Variants in DHRSX observed in about 807,000 individuals in gnomAD.
The protein encoded by DHRSX is dehydrogenase/reductase X-linked.
Under a neutral mutation model 34.0 loss-of-function variants are expected in DHRSX, and 31 were observed. That is an observed-to-expected ratio of 0.91 (90% CI 0.69 to 1.23). The LOEUF is 1.23. DHRSX is among the 50% of genes most tolerant of loss of function. The probability of loss-of-function intolerance (pLI) is 0.00; values close to 1 mark genes in which losing one functional copy is unlikely to be tolerated. For synonymous variants in DHRSX, 201 were observed against 183.8 expected, an observed-to-expected ratio of 1.09 and a Z score of -0.76; for missense variants, 414 against 428.1, an observed-to-expected ratio of 0.97 and a Z score of 0.29.
chrX:2,473,827 C>A (rs1438410814), intron 1 of DHRSX, among the ~76,000 whole-genome samples: 1 of 140,180 alleles, frequency 7.1e-6, no homozygotes, highest in African/African-American at 3.0e-5. Context: ...GATTCAGGTT[C>A]TGAATCTCTG....
intron 3 of DHRSX, among the ~76,000 whole-genome samples, chrX:2,303,825 G>A (rs868522011): frequency 6.4e-5 from 6 of 93,300 alleles, no homozygotes; most frequent in East Asian, 4.0e-4. Flanking sequence ...GGGTGGATGG[G>A]TGGGTGGATG....
rs201839681 is a variant in DHRSX at position 2,490,759 on chromosome X, T to C, written c.109+10058A>G. 54 of 1,589,316 alleles carry C rather than the reference T, an allele frequency of 3.4e-5. No homozygotes were observed. The East Asian group carries it at 3.8e-4, about 11-fold the overall frequency. ...AGCCTGCCTGCTGGACGGCTGCTCA[T>C]GCGTGGGGACCTGCTGAGAAGGGCC... On this transcript the variant is annotated intron_variant, in intron 1 of 6. Coordinates refer to ENST00000334651, the MANE Select transcript of DHRSX (RefSeq NM_145177.3).
At chrX:2,358,866 G>A (rs944244253) in intron 3 of DHRSX, among the ~76,000 whole-genome samples, 7 of 151,490 alleles carry the variant, frequency 4.6e-5, no homozygotes, top group African/African-American at 1.5e-4. Flanking sequence ...GGAGAATGGC[G>A]TGAACCCGGG....
At chrX:2,247,396 T>A (rs1298822819) in intron 5 of DHRSX, among the ~76,000 whole-genome samples, 1 of 151,710 alleles carries the variant, frequency 6.6e-6, no homozygotes, top group Non-Finnish European at 1.5e-5. Flanking sequence ...GGCTCACACC[T>A]CTAATCCCAG....
intron 3 of DHRSX, among the ~76,000 whole-genome samples, chrX:2,301,926 T>G (rs1192749914): frequency 6.6e-6 from 1 of 151,940 alleles, no homozygotes; most frequent in Non-Finnish European, 1.5e-5. Flanking sequence ...GTGAAGCACC[T>G]CACCCGGCCT....
chrX:2,231,854 C>A (rs1246179678), intron 6 of DHRSX, among the ~76,000 whole-genome samples: 4 of 146,720 alleles, frequency 2.7e-5, no homozygotes, highest in African/African-American at 1.0e-4. Context: ...TTTTCTCCCT[C>A]TTCTTCCTCC....
intron 3 of DHRSX, among the ~76,000 whole-genome samples, chrX:2,408,132 T>C (rs756098995): frequency 6.6e-6 from 1 of 151,960 alleles, no homozygotes; most frequent in East Asian, 1.9e-4. Flanking sequence ...TTTTTTTTTT[T>C]TGAGACGGAG....
intron 1 of DHRSX, among the ~76,000 whole-genome samples, chrX:2,444,796 C>T (rs1466007313): frequency 2.0e-5 from 3 of 151,614 alleles, no homozygotes; most frequent in Non-Finnish European, 4.4e-5. Context: ...GATCATGCCA[C>T]TGCACTCTAG....
intron 3 of DHRSX, among the ~76,000 whole-genome samples, chrX:2,306,173 C>T (rs183253335): frequency 5.2e-4 from 79 of 152,130 alleles, no homozygotes; most frequent in East Asian, 2.5e-3. Flanking sequence ...CGGAGTAATA[C>T]AGGCAACCAA....
chrX:2,365,905 G>A (rs981697348), intron 3 of DHRSX, among the ~76,000 whole-genome samples: 3 of 152,122 alleles, frequency 2.0e-5, no homozygotes, highest in Non-Finnish European at 4.4e-5. Context: ...CATGGCACAT[G>A]TATACATATG....
At chrX:2,244,999 T>C (rs181956769) in intron 5 of DHRSX, among the ~76,000 whole-genome samples, 83 of 152,192 alleles carry the variant, frequency 5.5e-4, no homozygotes, top group African/African-American at 1.9e-3. Flanking sequence ...CATGAGCCAC[T>C]GTGCCCGGCC....
At chrX:2,404,881 C>T (rs1290115893) in intron 3 of DHRSX, among the ~76,000 whole-genome samples, 4 of 152,194 alleles carry the variant, frequency 2.6e-5, no homozygotes, top group Non-Finnish European at 5.9e-5. Flanking sequence ...CCTTAATTAT[C>T]CCTCTACACA....
chrX:2,226,961 G>C (rs1053301741), intron 6 of DHRSX, among the ~76,000 whole-genome samples: 3 of 152,000 alleles, frequency 2.0e-5, no homozygotes, highest in Non-Finnish European at 4.4e-5. Flanking sequence ...CAGAGCTGCT[G>C]CAGAATAAGA....
At chrX:2,486,867 G>C (rs1161720739) in intron 1 of DHRSX, 3 of 152,236 alleles carry the variant, frequency 2.0e-5, no homozygotes, top group Admixed American at 1.3e-4. Flanking sequence ...ATAACATTCT[G>C]TGCTGCTTGC....
At chrX:2,410,919 C>A (rs916843506) in intron 2 of DHRSX, among the ~76,000 whole-genome samples, 9 of 152,128 alleles carry the variant, frequency 5.9e-5, no homozygotes, top group Non-Finnish European at 1.2e-4. Flanking sequence ...GTAATTTGCA[C>A]CTTTGACTTC....
rs760411155 is a variant in DHRSX at position 2,302,108 on chromosome X, A to G, written c.287-10505T>C. The stretch of plus-strand genomic sequence containing the variant: ...TTGTGGCTGATCTAGGACACTTTAA[A>G]TAACACAACATCCAAGAGTCAGCCA... On this transcript the variant is annotated intron_variant, in intron 3 of 6. Coordinates refer to ENST00000334651, the MANE Select transcript of DHRSX (RefSeq NM_145177.3). 3.9e-4 allele frequency among the ~76,000 whole-genome samples: 60 copies of G among 152,256 alleles called. No homozygotes were observed. In the South Asian group the frequency reaches 0.012, roughly 31 times the overall value.
chrX:2,313,004 A>AT (rs1166291054), intron 3 of DHRSX, among the ~76,000 whole-genome samples: 13 of 105,322 alleles, frequency 1.2e-4, no homozygotes, highest in Admixed American at 9.3e-4. Context: ...TTCAAGATAT[A>AT]TATTTTTTTT....
chrX:2,248,909 T>C lies in DHRSX; in HGVS notation c.597-5679A>G, dbSNP rs2016367310. Among the ~76,000 whole-genome samples the C allele has an allele frequency of 4.6e-5, 7 of 152,338 alleles. No homozygotes were observed. The South Asian group carries it at 1.4e-3, about 32-fold the overall frequency. ...AAGCATAAAAATAGACGGTTTCCCC[T>C]GCATCTTTGGGTCTTCCCTCTGAAG... On this transcript the variant is annotated intron_variant, in intron 5 of 6. Coordinates refer to ENST00000334651, the MANE Select transcript of DHRSX (RefSeq NM_145177.3).
chrX:2,457,640 G>A (rs189465466), intron 1 of DHRSX, among the ~76,000 whole-genome samples: 1 of 150,268 alleles, frequency 6.7e-6, no homozygotes, highest in Non-Finnish European at 1.5e-5. Flanking sequence ...CAAAAGAACC[G>A]CCACCGTGGA....
Sources: gnomAD v4.1 joint callset for allele counts (sites outside exome capture counted in the v4.1 genomes callset) on GRCh38, gnomAD v4.1.1 for gene constraint, MANE v1.5 for transcripts, NCBI Gene and HGNC (gene_info 2026-07-23, HGNC 2026-07-21) for gene names.